Variants in SHC3 observed in about 807,000 individuals in gnomAD.
SHC3 encodes the protein SHC adaptor protein 3.
Under a neutral mutation model 60.4 loss-of-function variants are expected in SHC3, and 15 were observed. The observed-to-expected ratio is 0.25, with a 90% CI of 0.17 to 0.38. The LOEUF (loss-of-function observed/expected upper bound fraction) is 0.38. Among genes scored for constraint, SHC3 ranks in the 10% least tolerant of loss-of-function variants. The pLI is 1.00. For missense variants in SHC3, 677 were observed against 786.1 expected, an observed-to-expected ratio of 0.86 and a Z score of 1.66; for synonymous variants, 294 against 325.9, an observed-to-expected ratio of 0.90 and a Z score of 1.05.
At chr9:89,124,619 T>C (rs567761225) in intron 1 of SHC3, among the ~76,000 whole-genome samples, 12 of 152,068 alleles carry the variant, frequency 7.9e-5, no homozygotes, top group East Asian at 1.9e-4. Context: ...TTCTCACTCA[T>C]AAGTGGGAGT....
At chr9:89,040,141 G>T (rs61607623) in intron 10 of SHC3, among the ~76,000 whole-genome samples, 1 of 61,322 alleles carries the variant, frequency 1.6e-5, no homozygotes, top group South Asian at 5.7e-4. Flanking sequence ...ATCAGCAGCA[G>T]CATCACCACC....
At chr9:89,176,231 A>C (rs1826940702) in intron 1 of SHC3, among the ~76,000 whole-genome samples, 1 of 152,234 alleles carries the variant, frequency 6.6e-6, no homozygotes, top group South Asian at 2.1e-4. Flanking sequence ...ACTACTGCTG[A>C]TGCTGCCAGT....
intron 1 of SHC3, among the ~76,000 whole-genome samples, chr9:89,146,839 C>A (rs761293151): frequency 6.6e-6 from 1 of 152,186 alleles, no homozygotes; most frequent in Non-Finnish European, 1.5e-5. Context: ...TCATTCACTG[C>A]TAGCACGGGT....
At chr9:89,049,308 T>C (rs1824825352) in intron 7 of SHC3, among the ~76,000 whole-genome samples, 1 of 151,766 alleles carries the variant, frequency 6.6e-6, no homozygotes, top group African/African-American at 2.4e-5. Flanking sequence ...AGAAATGATA[T>C]GCCAATACTT....
intron 11 of SHC3, among the ~76,000 whole-genome samples, chr9:89,013,858 G>A (rs1826050987): frequency 6.6e-6 from 1 of 152,126 alleles, no homozygotes; most frequent in African/African-American, 2.4e-5. Context: ...TATAGGCATG[G>A]CCTCCTCCAC....
intron 1 of SHC3, among the ~76,000 whole-genome samples, chr9:89,175,224 G>A (rs183696782): frequency 2.8e-4 from 43 of 152,320 alleles, no homozygotes; most frequent in Non-Finnish European, 2.4e-4. Flanking sequence ...AAAAGGTGCT[G>A]CCAATGAGGC....
At chr9:89,163,682 C>T (rs913282363) in intron 1 of SHC3, among the ~76,000 whole-genome samples, 5 of 150,230 alleles carry the variant, frequency 3.3e-5, no homozygotes, top group Non-Finnish European at 5.9e-5. Context: ...CAGCATGGCA[C>T]ATGTATACAT....
At position 89,128,471 on chromosome 9, in the gene SHC3, T is replaced by C. The variant is rs535794328; in HGVS notation, c.475-15845A>G. Among the ~76,000 whole-genome samples the C allele has an allele frequency of 3.9e-5, 6 of 152,308 alleles. No individual in the cohort carries two copies. The East Asian group carries it at 1.2e-3, about 29-fold the overall frequency. ...CCTCCTCAAGTGGGTCCCTGATCCC[T>C]GAGCAGCCTAACTGGGAGACATCTC... On this transcript the variant is annotated intron_variant, in intron 1 of 11. Transcript: ENST00000375835.
At chr9:89,068,676 A>T (rs1825221345) in intron 5 of SHC3, among the ~76,000 whole-genome samples, 1 of 151,928 alleles carries the variant, frequency 6.6e-6, no homozygotes, top group African/African-American at 2.4e-5. Flanking sequence ...TTTAAAAAAA[A>T]ATAAGATGTG....
chr9:89,127,816 A>G (rs1270543225), intron 1 of SHC3, among the ~76,000 whole-genome samples: 1 of 151,088 alleles, frequency 6.6e-6, no homozygotes, highest in East Asian at 1.9e-4. Flanking sequence ...CTCCCAAAGG[A>G]GATGGGCTGA....
At chr9:89,125,026 G>C (rs1387296093) in intron 1 of SHC3, among the ~76,000 whole-genome samples, 1 of 152,028 alleles carries the variant, frequency 6.6e-6, no homozygotes, top group Non-Finnish European at 1.5e-5. Context: ...CATCATGTGG[G>C]GCAGCAAAAG....
intron 2 of SHC3, among the ~76,000 whole-genome samples, chr9:89,104,119 C>T (rs1298421646): frequency 1.3e-5 from 2 of 151,784 alleles, no homozygotes; most frequent in Admixed American, 6.6e-5. Flanking sequence ...TCTCAGTCAC[C>T]AAGTCATCTA....
intron 11 of SHC3, among the ~76,000 whole-genome samples, chr9:89,036,923 C>G (rs188707566): frequency 7.1e-6 from 1 of 140,054 alleles, no homozygotes; most frequent in East Asian, 2.1e-4. Context: ...TTCTAAAAGG[C>G]ACAAACACAA....
At chr9:89,063,642 C>A (rs369397687) in intron 6 of SHC3, among the ~76,000 whole-genome samples, 1 of 152,218 alleles carries the variant, frequency 6.6e-6, no homozygotes, top group Non-Finnish European at 1.5e-5. Context: ...GGTGTGGAAG[C>A]AAAGCCAATT....
At chr9:89,040,979 A>C (rs1205796890) in intron 10 of SHC3, among the ~76,000 whole-genome samples, 2 of 152,248 alleles carry the variant, frequency 1.3e-5, no homozygotes, top group African/African-American at 4.8e-5. Context: ...CAAATGATAA[A>C]GTTAGTTAAC....
intron 1 of SHC3, among the ~76,000 whole-genome samples, chr9:89,155,596 A>G (rs1182927936): frequency 6.6e-6 from 1 of 152,178 alleles, no homozygotes; most frequent in East Asian, 1.9e-4. Context: ...CACTGAGCCC[A>G]AAAAGCCACC....
At chr9:89,163,670 A>G (rs1177703443) in intron 1 of SHC3, among the ~76,000 whole-genome samples, 1 of 150,666 alleles carries the variant, frequency 6.6e-6, no homozygotes, top group Non-Finnish European at 1.5e-5. Flanking sequence ...GGTGCAGCGC[A>G]CCAGCATGGC....
intron 11 of SHC3, among the ~76,000 whole-genome samples, chr9:89,031,806 T>C (rs1342608078): frequency 6.6e-6 from 1 of 152,232 alleles, no homozygotes; most frequent in Non-Finnish European, 1.5e-5. Context: ...TGTTTTTCAG[T>C]CTTACATTGA....
chr9:89,125,486 C>T (rs968779588), intron 1 of SHC3, among the ~76,000 whole-genome samples: 5 of 151,920 alleles, frequency 3.3e-5, no homozygotes, highest in South Asian at 2.1e-4. Flanking sequence ...TTGTCAGAGG[C>T]GTTTGAACCA....
Sources: allele counts gnomAD v4.1 joint callset (sites outside exome capture counted in the v4.1 genomes callset), GRCh38; gene constraint gnomAD v4.1.1; transcripts MANE v1.5; gene names NCBI Gene and HGNC (gene_info 2026-07-23, HGNC 2026-07-21).